DNAJC6: variants seen among roughly 807,000 people sequenced by gnomAD.
DNAJC6 encodes auxilin.
DNAJC6 carries 34 observed loss-of-function variants against 110.0 expected under a neutral mutation model. The observed-to-expected ratio is 0.31, with a 90% confidence interval of 0.24 to 0.41. The LOEUF (loss-of-function observed/expected upper bound fraction) is 0.41. Among genes scored for constraint, DNAJC6 ranks in the 10% least tolerant of loss-of-function variants. The probability of loss-of-function intolerance (pLI) is 1.00; values close to 1 mark genes in which losing one functional copy is unlikely to be tolerated. For missense variants in DNAJC6, 1,031 were observed against 1,207.8 expected (o/e 0.85, Z 2.17); for synonymous variants, 406 against 437.2 (o/e 0.93, Z 0.89).
intron 15 of DNAJC6, among the ~76,000 whole-genome samples, chr1:65,403,217 A>G (rs1646045578): frequency 6.6e-6 from 1 of 152,254 alleles, no homozygotes; most frequent in Admixed American, 6.5e-5. Context: ...ATTTCATTTA[A>G]TCTTCCTCAT....
At chr1:65,389,652 C>T (rs376004077) in intron 11 of DNAJC6, 25 bp downstream of exon 11, 1 of 1,607,790 alleles carries the variant, frequency 6.2e-7, no homozygotes, top group Non-Finnish European at 8.5e-7. Context: ...TTCTTTAAGT[C>T]ACATGGTTTG....
rs372742654 is a variant in DNAJC6 at position 65,336,999 on chromosome 1, TTTGTTG to T, written c.193+27077_193+27082del. ...ATGTCTCTTTTGTTCCTGTGTAATT[TTTGTTG>T]TTGTTGTTGTTGTTGGGAAAAAAAA... On this transcript the variant is annotated intron_variant, in intron 1 of 18. Coordinates refer to ENST00000371069, the MANE Select transcript of DNAJC6 (RefSeq NM_001256864.2). Among the ~76,000 whole-genome samples, 908 of 151,860 alleles carry T rather than the reference TTTGTTG, an allele frequency of 6.0e-3. 7 individuals are homozygous for T. The highest frequency in any genetic ancestry group is 0.02 in the African/African-American group (822 of 41,418).
At chr1:65,303,756 G>C (rs1557509555) in intron 1 of DNAJC6, among the ~76,000 whole-genome samples, 1 of 151,994 alleles carries the variant, frequency 6.6e-6, no homozygotes, top group Non-Finnish European at 1.5e-5. Flanking sequence ...TTGTTTTTTA[G>C]TAGAGACGGG....
At chr1:65,293,032 G>A (rs540745326) in intron 1 of DNAJC6, among the ~76,000 whole-genome samples, 1 of 152,330 alleles carries the variant, frequency 6.6e-6, no homozygotes, top group African/African-American at 2.4e-5. Flanking sequence ...AAGAGAGCAA[G>A]CAGAAATCCA....
intron 1 of DNAJC6, among the ~76,000 whole-genome samples, chr1:65,293,360 AG>A (rs1167184994): frequency 6.6e-6 from 1 of 151,758 alleles, no homozygotes; most frequent in African/African-American, 2.4e-5. Context: ...TTTCCTTATA[AG>A]GACACTAATC....
chr1:65,404,628 G>A (rs975893352), intron 15 of DNAJC6, among the ~76,000 whole-genome samples: 2 of 152,198 alleles, frequency 1.3e-5, no homozygotes, highest in African/African-American at 4.8e-5. Flanking sequence ...TAAGTCCAGT[G>A]ATCATGATGC....
Position 65,410,450 on chromosome 1 carries a change from G to A in DNAJC6, c.2635-800G>A, listed in dbSNP as rs114430910. Among the ~76,000 whole-genome samples the A allele has an allele frequency of 2.7e-3, 413 of 152,128 alleles. 3 individuals carry two copies. Among genetic ancestry groups the A allele is most frequent in the African/African-American group, 9.2e-3 (381 of 41,494 alleles). On this transcript the variant is annotated intron_variant, in intron 17 of 18. Transcript: ENST00000371069. ...TAACCGTTGTTCATTAGGCAAATTC[G>A]GACAGTTTCCTATAAAAGAAAGCTG... is the stretch of plus-strand genomic sequence containing the variant.
At chr1:65,407,697 A>G (rs1646090417) in intron 16 of DNAJC6, among the ~76,000 whole-genome samples, 2 of 152,214 alleles carry the variant, frequency 1.3e-5, no homozygotes, top group African/African-American at 4.8e-5. Context: ...GACTTCAATC[A>G]GCAAATACTT....
At chr1:65,386,432 C>T (rs750464857) in intron 7 of DNAJC6, among the ~76,000 whole-genome samples, 1 of 152,198 alleles carries the variant, frequency 6.6e-6, no homozygotes, top group Non-Finnish European at 1.5e-5. Flanking sequence ...CAGAGCAAGA[C>T]ATTTCTGTTT....
intron 1 of DNAJC6, among the ~76,000 whole-genome samples, chr1:65,354,551 T>C (rs1424901883): frequency 1.3e-5 from 2 of 152,194 alleles, no homozygotes; most frequent in Non-Finnish European, 2.9e-5. Flanking sequence ...CATTCTCCTA[T>C]GTTTATATTC....
intron 15 of DNAJC6, among the ~76,000 whole-genome samples, chr1:65,405,581 C>T (rs1274511388): frequency 2.0e-5 from 3 of 152,114 alleles, no homozygotes; most frequent in Non-Finnish European, 4.4e-5. Context: ...AATCAAGTCT[C>T]GGCTCAGCTA....
At chr1:65,274,444 G>A (rs570734878) in intron 1 of DNAJC6, among the ~76,000 whole-genome samples, 1 of 152,110 alleles carries the variant, frequency 6.6e-6, no homozygotes, top group Non-Finnish European at 1.5e-5. Context: ...AGCCTCCCAA[G>A]TAGCTGGGAC....
upstream of DNAJC6, among the ~76,000 whole-genome samples, chr1:65,309,359 C>G (rs1215911047): frequency 6.6e-6 from 1 of 151,798 alleles, no homozygotes; most frequent in Non-Finnish European, 1.5e-5. Context: ...TTGGCGCTGC[C>G]CTGCTGCGCG....
chr1:65,385,844 C>T lies in DNAJC6; in HGVS notation c.933C>T (p.Tyr311=), dbSNP rs1318891219. ...AACAGAGGAATGGATGTCGCCCTTA[C>T]TGTGATGTACTCATTGGAGAAACCA... ...FNKQRNGCRP[Y]CDVLIGETKI... is the part of the protein sequence containing the mutation. Residue 311 remains tyrosine (Y), a synonymous_variant, in exon 7 of 19, where the codon TAC becomes TAT. Transcript: ENST00000371069. 1 of 1,613,866 alleles carries T rather than the reference C, an allele frequency of 6.2e-7. No homozygotes were observed. Among genetic ancestry groups the T allele is most frequent in the African/African-American group, 1.3e-5 (1 of 74,918 alleles).
chr1:65,390,813 A>G (rs1645919090), intron 11 of DNAJC6, among the ~76,000 whole-genome samples: 1 of 152,232 alleles, frequency 6.6e-6, no homozygotes, highest in Non-Finnish European at 1.5e-5. Context: ...GGAACTAGCA[A>G]ATCCTCAAAT....
At chr1:65,335,905 G>A (rs1435140509) in intron 1 of DNAJC6, among the ~76,000 whole-genome samples, 1 of 152,152 alleles carries the variant, frequency 6.6e-6, no homozygotes, top group Non-Finnish European at 1.5e-5. Context: ...AAGGGTGGAG[G>A]CAGAGACAGC....
In DNAJC6 at chr1:65,413,072, T is replaced by A. The variant is rs765578345; in HGVS notation, c.*47T>A. The A allele has an allele frequency of 1.3e-6, 2 of 1,550,278 alleles. No individual in the cohort carries two copies. Among genetic ancestry groups the A allele is most frequent in the South Asian group, 2.3e-5 (2 of 87,440 alleles). ...GCTGCAGACCTGTGCTAATGCTTAGTGTGTGTCACAATTCTGAGGTTTTCG... is the reference window on the plus strand; with the variant it reads ...GCTGCAGACCTGTGCTAATGCTTAGAGTGTGTCACAATTCTGAGGTTTTCG... On this transcript the variant is annotated 3_prime_UTR_variant, in exon 19 of 19. Coordinates refer to ENST00000371069, the MANE Select transcript of DNAJC6 (RefSeq NM_001256864.2).
chr1:65,395,198 G>A, intron 13 of DNAJC6, among the ~76,000 whole-genome samples, 166 bp downstream of exon 13: 1 of 152,084 alleles, frequency 6.6e-6, no homozygotes, highest in South Asian at 2.1e-4. Context: ...AAATCTCTGG[G>A]CTGTCTTACA....
chr1:65,358,578 A>G (rs1432608490), intron 1 of DNAJC6, among the ~76,000 whole-genome samples: 2 of 152,200 alleles, frequency 1.3e-5, no homozygotes, highest in Non-Finnish European at 2.9e-5. Flanking sequence ...TATGTTTATT[A>G]TATCCTCTGA....
Sources: allele counts gnomAD v4.1 joint callset (sites outside exome capture counted in the v4.1 genomes callset), GRCh38; gene constraint gnomAD v4.1.1; transcripts MANE v1.5; gene names NCBI Gene and HGNC (gene_info 2026-07-23, HGNC 2026-07-21).